The following TRIM22 variants were observed in gnomAD, a reference collection of about 807,000 sequenced individuals.
The protein encoded by TRIM22 is tripartite motif containing 22.
A neutral mutation model predicts 53.6 loss-of-function variants in TRIM22; 45 were observed. That is an observed-to-expected ratio of 0.84 (90% CI 0.66 to 1.08). The LOEUF (loss-of-function observed/expected upper bound fraction) is 1.08. Among genes scored for constraint, TRIM22 ranks in the 50% least tolerant of loss-of-function variants. TRIM22 has a pLI of 0.00. For synonymous variants in TRIM22, 225 were observed against 216.6 expected (o/e 1.04, Z -0.34); for missense variants, 616 against 590.9 (o/e 1.04, Z -0.44).
In TRIM22 at chr11:5,699,276, G is replaced by C. The variant is rs1233187989; in HGVS notation, c.750+731G>C. On this transcript the variant is annotated intron_variant, in intron 4 of 7. Coordinates refer to ENST00000379965, the MANE Select transcript of TRIM22 (RefSeq NM_006074.5). ...GCGGTGGCTCACGCCTGTAATCCCAGCACTTTGGGAGGCCGAGGCGGGTGG... is the reference window on the plus strand; with the variant it reads ...GCGGTGGCTCACGCCTGTAATCCCACCACTTTGGGAGGCCGAGGCGGGTGG... Among the ~76,000 whole-genome samples, 5 of 128,564 alleles carry C rather than the reference G, an allele frequency of 3.9e-5. 1 individual carries two copies. The highest frequency in any genetic ancestry group is 6.4e-5 in the Non-Finnish European group (4 of 62,896). 84.3% of individuals were successfully genotyped at this position (128,564 alleles called of 152,430 possible).
intron 5 of TRIM22, among the ~76,000 whole-genome samples, chr11:5,707,736 T>C (rs113444497): frequency 6.6e-6 from 1 of 152,152 alleles, no homozygotes; most frequent in African/African-American, 2.4e-5. Context: ...GGCTTGAACC[T>C]GGGAGGCAGA....
At position 5,698,352 on chromosome 11, in the gene TRIM22, G is replaced by C. The variant is rs539742072; in HGVS notation, c.557G>C (p.Gly186Ala). ...IQIERQKILK[G>A]FNEMRVILDN... ...ATCGAGAGACAGAAGATTCTGAAAGGGTTCAATGAAATGAGAGTCATCTTG... is the reference window on the plus strand; with the variant it reads ...ATCGAGAGACAGAAGATTCTGAAAGCGTTCAATGAAATGAGAGTCATCTTG... Residue 186 changes from glycine to alanine, a missense_variant, in exon 4 of 8, where the codon GGG becomes GCG. Gly to Ala is a moderately conservative substitution (Grantham distance 60). Coordinates refer to ENST00000379965, the MANE Select transcript of TRIM22 (RefSeq NM_006074.5). The C allele has an allele frequency of 1.9e-6, 3 of 1,614,176 alleles. No homozygotes were observed. The South Asian group carries it at 3.3e-5, about 18-fold the overall frequency.
At position 5,709,821 on chromosome 11, in the gene TRIM22, T is replaced by C. The variant is rs1403364537; in HGVS notation, c.*173T>C. ...TCCATAGCAAAGCATCATAGATTGC[T>C]GATTTAAACTGTAATTGTATTGCCG... On this transcript the variant is annotated 3_prime_UTR_variant, in exon 8 of 8. Coordinates refer to ENST00000379965, the MANE Select transcript of TRIM22 (RefSeq NM_006074.5). 6.4e-6 allele frequency: 4 copies of C among 620,808 alleles called. No individual in the cohort carries two copies. Among genetic ancestry groups the C allele is most frequent in the Non-Finnish European group, 1.1e-5 (4 of 360,624 alleles). The allele number at this position is 620,808 out of a possible 1,614,324, so 38.5% of individuals were successfully genotyped here.
rs577858968 is a variant in TRIM22, at chr11:5,709,978, T to C, written c.*330T>C. On this transcript the variant is annotated 3_prime_UTR_variant, in exon 8 of 8. Transcript: ENST00000379965. Reference sequence around the variant, plus strand: ...CATCTTGTCCCTATGACTCTTCACATTGTCTTTATGTACATCTCTGTGCCC... The same window carrying C: ...CATCTTGTCCCTATGACTCTTCACACTGTCTTTATGTACATCTCTGTGCCC... 15 of 265,126 alleles carry C rather than the reference T, an allele frequency of 5.7e-5. No homozygotes were observed. The highest frequency in any genetic ancestry group is 2.8e-4 in the African/African-American group (13 of 45,720). The allele number at this position is 265,126 out of a possible 1,614,324, so 16.4% of individuals were successfully genotyped here.
chr11:5,704,037 T>C (rs1853418458), intron 4 of TRIM22, among the ~76,000 whole-genome samples: 1 of 152,180 alleles, frequency 6.6e-6, no homozygotes, highest in South Asian at 2.1e-4. Context: ...ATGTACTCTG[T>C]TGGTAGAAAT....
At chr11:5,699,841 A>G (rs1303758054) in intron 4 of TRIM22, among the ~76,000 whole-genome samples, 1 of 150,690 alleles carries the variant, frequency 6.6e-6, no homozygotes, top group East Asian at 2.0e-4. Context: ...TTATTTCCAC[A>G]TGTAGATTCT....
intron 1 of TRIM22, among the ~76,000 whole-genome samples, chr11:5,692,657 G>C (rs1413164669): frequency 6.6e-6 from 1 of 152,170 alleles, no homozygotes. Flanking sequence ...TTTAAAAGAT[G>C]TTGGCTAGGC....
chr11:5,691,421 A>T (rs112046919), intron 1 of TRIM22, among the ~76,000 whole-genome samples: 13,363 of 152,242 alleles, frequency 0.088, 647 homozygotes, highest in African/African-American at 0.096. Context: ...CAATGTCTGG[A>T]ATCTATAGAT....
intron 2 of TRIM22, 148 bp from the exon 3 acceptor site, chr11:5,697,100 T>G: frequency 3.3e-6 from 2 of 598,080 alleles, no homozygotes; most frequent in Non-Finnish European, 5.9e-6. Flanking sequence ...TCCTCAGATT[T>G]TCCCCCATGC....
chr11:5,707,567 T>C (rs980094035), intron 5 of TRIM22, among the ~76,000 whole-genome samples: 1 of 152,322 alleles, frequency 6.6e-6, no homozygotes, highest in Non-Finnish European at 1.5e-5. Context: ...GCTAGCACTT[T>C]GGGAAGCCGA....
At chr11:5,691,568 A>C (rs541720057) in intron 1 of TRIM22, among the ~76,000 whole-genome samples, 4 of 152,308 alleles carry the variant, frequency 2.6e-5, no homozygotes, top group African/African-American at 9.6e-5. Flanking sequence ...TGGGCATAAG[A>C]CAATATGAGA....
At chr11:5,702,551 T>C (rs1167068596) in intron 4 of TRIM22, among the ~76,000 whole-genome samples, 1 of 151,634 alleles carries the variant, frequency 6.6e-6, no homozygotes, top group Admixed American at 6.6e-5. Context: ...CTAAGTCTAA[T>C]TACAAATAAC....
intron 5 of TRIM22, among the ~76,000 whole-genome samples, chr11:5,707,837 A>G (rs1398764683): frequency 2.6e-5 from 4 of 152,134 alleles, no homozygotes; most frequent in Non-Finnish European, 5.9e-5. Context: ...ACAAACAAAC[A>G]AAAGCATTAT....
intron 1 of TRIM22, 109 bp from the exon 2 acceptor site, chr11:5,696,058 T>C (rs1853254100): frequency 3.7e-6 from 2 of 534,630 alleles, no homozygotes; most frequent in Non-Finnish European, 6.4e-6. Context: ...TGCCTTTCTT[T>C]TCTCCTTTCT....
intron 4 of TRIM22, among the ~76,000 whole-genome samples, chr11:5,703,926 A>G (rs1853416710): frequency 6.6e-6 from 1 of 152,206 alleles, no homozygotes; most frequent in Non-Finnish European, 1.5e-5. Context: ...AGAAATGCAA[A>G]TCAAAACCAC....
chr11:5,698,320 T>C lies in TRIM22; in HGVS notation c.525T>C (p.Tyr175=). 9.3e-6 allele frequency: 15 copies of C among 1,614,014 alleles called. No individual in the cohort carries two copies. The highest frequency in any genetic ancestry group is 1.2e-5 in the Non-Finnish European group (14 of 1,179,842). ...TTTCTCTTTTCATTCCCAAGAATTA[T>C]ATCCAGATCGAGAGACAGAAGATTC... The part of the protein sequence containing the change: ...IRQERTAWKN[Y]IQIERQKILK... The change falls in exon 4 of 8, where the codon TAT becomes TAC. Residue 175 remains tyrosine (Y), a synonymous_variant. Transcript: ENST00000379965.
At position 5,698,332 on chromosome 11, in the gene TRIM22, G is replaced by A; in HGVS notation, c.537G>A (p.Glu179=). 1 of 1,614,128 alleles carries A rather than the reference G, an allele frequency of 6.2e-7. No individual in the cohort carries two copies. The change falls in exon 4 of 8, where the codon GAG becomes GAA. Residue 179 remains glutamate, a synonymous_variant. Coordinates refer to ENST00000379965, the MANE Select transcript of TRIM22 (RefSeq NM_006074.5). ...RTAWKNYIQI[E]RQKILKGFNE... ...TTCCCAAGAATTATATCCAGATCGA[G>A]AGACAGAAGATTCTGAAAGGGTTCA...
chr11:5,700,605 T>TTTTTTTTTTTC lies in TRIM22; in HGVS notation c.750+2060_750+2061insTTTTTTTTTTC, dbSNP rs369811867. Among the ~76,000 whole-genome samples, 16 of 92,940 alleles carry TTTTTTTTTTTC rather than the reference T, an allele frequency of 1.7e-4. 1 individual carries two copies. The highest frequency in any genetic ancestry group is 2.6e-4 in the Admixed American group (2 of 7,622). The allele number at this position is 92,940 out of a possible 152,430, so 61.0% of individuals were successfully genotyped here. A position where few individuals can be genotyped will look rare whatever the true frequency, so the allele number is the denominator to read the frequency against. On this transcript the variant is annotated intron_variant, in intron 4 of 7. Transcript: ENST00000379965. The stretch of plus-strand genomic sequence containing the variant: ...GAGTCTTTTTTTTTTTTTTTTTTTT[T>TTTTTTTTTTTC]CAGATTTGTAATGAAGTTGAGAAAC...
chr11:5,690,072 G>C (rs1853149874), intron 1 of TRIM22, among the ~76,000 whole-genome samples, 173 bp downstream of exon 1: 1 of 152,206 alleles, frequency 6.6e-6, no homozygotes, highest in Non-Finnish European at 1.5e-5. Context: ...GTCTGGGAGA[G>C]GGGTAACCTT....
Sources: allele counts gnomAD v4.1 joint callset (sites outside exome capture counted in the v4.1 genomes callset), GRCh38; gene constraint gnomAD v4.1.1; transcripts MANE v1.5; gene names NCBI Gene and HGNC (gene_info 2026-07-23, HGNC 2026-07-21).